Variants in CFAP61 observed in about 807,000 individuals in gnomAD.
CFAP61 encodes cilia- and flagella-associated protein 61.
In CFAP61, 107 loss-of-function variants were observed where a neutral mutation model predicts 135.6. The ratio of observed to expected loss-of-function variants is 0.79; its 90% CI spans 0.67 to 0.93. The LOEUF (loss-of-function observed/expected upper bound fraction) is 0.93, where lower values mean the gene tolerates loss of function less well. Ranked by LOEUF, CFAP61 falls within the 40% of genes least tolerant of loss-of-function variation. The pLI is 0.00. For synonymous variants in CFAP61, 575 were observed against 578.5 expected (o/e 0.99, Z 0.09); for missense variants, 1,507 against 1,556.2 (o/e 0.97, Z 0.53).
chr20:20,264,796 G>A (rs138016440), intron 21 of CFAP61, among the ~76,000 whole-genome samples: 1,899 of 152,276 alleles, frequency 0.012, 42 homozygotes, highest in African/African-American at 0.043. Flanking sequence ...GGAGGCTGAG[G>A]TGGGAGGATC....
intron 1 of CFAP61, among the ~76,000 whole-genome samples, chr20:20,055,772 G>A (rs1212469413): frequency 1.3e-5 from 2 of 152,100 alleles, no homozygotes; most frequent in Non-Finnish European, 2.9e-5. Flanking sequence ...GGTTAGCTTC[G>A]ATAGGAGTCT....
At chr20:20,054,537 C>T (rs891761015) in intron 1 of CFAP61, among the ~76,000 whole-genome samples, 9 of 152,214 alleles carry the variant, frequency 5.9e-5, no homozygotes, top group African/African-American at 1.9e-4. Context: ...AGTCAACTTT[C>T]AGTGTATGTA....
Position 20,359,781 on chromosome 20 carries a change from C to G in CFAP61, c.3514-429C>G, listed in dbSNP as rs1261804718. On this transcript the variant is annotated intron_variant, in intron 26 of 26. Coordinates refer to ENST00000245957, the MANE Select transcript of CFAP61 (RefSeq NM_015585.4). This position sits in a 1 kb window ranked among gnomAD's most constrained non-coding sequence, Gnocchi z 4.0. ...CTGGATGACTCTTGAGGACATTATGCTAAGTGATATAAGCCAGTCACAAAA... is the reference window on the plus strand; with the variant it reads ...CTGGATGACTCTTGAGGACATTATGGTAAGTGATATAAGCCAGTCACAAAA... Among the ~76,000 whole-genome samples the G allele has an allele frequency of 6.6e-6, 1 of 152,136 alleles. No individual in the cohort carries two copies. The highest frequency in any genetic ancestry group is 2.4e-5 in the African/African-American group (1 of 41,422).
intron 6 of CFAP61, among the ~76,000 whole-genome samples, chr20:20,080,294 A>C (rs1394145258): frequency 2.0e-5 from 3 of 152,180 alleles, no homozygotes; most frequent in African/African-American, 7.2e-5. Context: ...TTTTTCACTT[A>C]ACATAGCATC....
At chr20:20,142,076 C>T (rs1339864813) in intron 8 of CFAP61, among the ~76,000 whole-genome samples, 3 of 152,154 alleles carry the variant, frequency 2.0e-5, no homozygotes, top group Non-Finnish European at 4.4e-5. Flanking sequence ...CCAATGATGT[C>T]TTCTCCCAGG....
intron 21 of CFAP61, among the ~76,000 whole-genome samples, chr20:20,273,955 G>A (rs1197299152): frequency 6.6e-6 from 1 of 152,220 alleles, no homozygotes; most frequent in Admixed American, 6.5e-5. Context: ...TCTGATAAAT[G>A]TAAGTAATCA....
At chr20:20,090,818 T>A (rs1434184819) in intron 6 of CFAP61, 26 bp from the exon 7 acceptor site, 1 of 1,612,372 alleles carries the variant, frequency 6.2e-7, no homozygotes, top group Non-Finnish European at 8.5e-7. Context: ...GAACGAACAC[T>A]GAACTTCAGC....
Position 20,353,498 on chromosome 20 carries a change from T to G in CFAP61, c.3514-6712T>G, listed in dbSNP as rs543766416. ...ATTACCTTACTTGTTTATGTTAATC[T>G]TTCTTAAATGTATCATAGCCCACAA... On this transcript the variant is annotated intron_variant, in intron 26 of 26. Coordinates refer to ENST00000245957, the MANE Select transcript of CFAP61 (RefSeq NM_015585.4). Among the ~76,000 whole-genome samples the G allele has an allele frequency of 8.3e-4, 126 of 152,336 alleles. 1 individual carries two copies. Among genetic ancestry groups the G allele is most frequent in the Non-Finnish European group, 2.8e-4 (19 of 68,028 alleles).
rs541623093 is a variant in CFAP61 at position 20,288,187 on chromosome 20, T to A, written c.2797-422T>A. On this transcript the variant is annotated intron_variant, in intron 22 of 26. Transcript: ENST00000245957. ...TCTGAAAACTGAAGACTGGATGAGA[T>A]CAACCCAAGAAGGAACCTGCAGAGA... is the stretch of plus-strand genomic sequence containing the variant. 5.9e-5 allele frequency among the ~76,000 whole-genome samples: 9 copies of A among 152,046 alleles called. No homozygotes were observed. The East Asian group carries it at 1.7e-3, about 29-fold the overall frequency.
At chr20:20,232,280 C>A (rs192831617) in intron 18 of CFAP61, among the ~76,000 whole-genome samples, 9 of 152,232 alleles carry the variant, frequency 5.9e-5, no homozygotes, top group African/African-American at 2.2e-4. Context: ...CCAAGTCTAG[C>A]ATTGCTGAAC....
chr20:20,321,666 A>G (rs1447478880), intron 25 of CFAP61, among the ~76,000 whole-genome samples: 1 of 152,152 alleles, frequency 6.6e-6, no homozygotes, highest in Non-Finnish European at 1.5e-5. Context: ...CACAGCTCCC[A>G]TGTTTACGTT....
In CFAP61 at chr20:20,357,097, G is replaced by A. The variant is rs865902633; in HGVS notation, c.3514-3113G>A. On this transcript the variant is annotated intron_variant, in intron 26 of 26. Coordinates refer to ENST00000245957, the MANE Select transcript of CFAP61 (RefSeq NM_015585.4). ...ACTGAGAGGAGGTGGTCACACTGAGGGGAGGTGGTCATACTGTGAGTGAGG... is the reference window on the plus strand; with the variant it reads ...ACTGAGAGGAGGTGGTCACACTGAGAGGAGGTGGTCATACTGTGAGTGAGG... Among the ~76,000 whole-genome samples, 516 of 106,960 alleles carry A rather than the reference G, an allele frequency of 4.8e-3. 3 individuals carry two copies. The highest frequency in any genetic ancestry group is 0.016 in the African/African-American group (473 of 29,790). 70.2% of individuals were successfully genotyped at this position (106,960 alleles called of 152,430 possible). A position where few individuals can be genotyped will look rare whatever the true frequency, so the allele number is the denominator to read the frequency against.
chr20:20,286,411 G>A (rs2054594218), intron 22 of CFAP61, among the ~76,000 whole-genome samples: 1 of 152,314 alleles, frequency 6.6e-6, no homozygotes, highest in South Asian at 2.1e-4. Context: ...TTTTCACCAA[G>A]ATGTTCTGGA....
Position 20,269,144 on chromosome 20 carries a change from TATACAC to T in CFAP61, c.2503+6016_2503+6021del, listed in dbSNP as rs1290493930. On this transcript the variant is annotated intron_variant, in intron 21 of 26. Transcript: ENST00000245957. ...ATATATATATATATATATATATATA[TATACAC>T]ACACACACACACACATACATATATG... 2.9e-4 allele frequency among the ~76,000 whole-genome samples: 25 copies of T among 85,082 alleles called. 1 individual carries two copies. Among genetic ancestry groups the T allele is most frequent in the East Asian group, 1.0e-3 (4 of 4,018 alleles). 55.8% of individuals were successfully genotyped at this position (85,082 alleles called of 152,430 possible). A position where few individuals can be genotyped will look rare whatever the true frequency, so the allele number is the denominator to read the frequency against.
intron 26 of CFAP61, among the ~76,000 whole-genome samples, chr20:20,357,143 A>G (rs77852668): frequency 1.5e-4 from 12 of 79,304 alleles, no homozygotes; most frequent in African/African-American, 2.9e-4. Flanking sequence ...ACTGAGGGGA[A>G]GTGGTCACAC....
chr20:20,103,883 C>T (rs377563964), intron 8 of CFAP61, among the ~76,000 whole-genome samples: 49 of 152,224 alleles, frequency 3.2e-4, no homozygotes, highest in African/African-American at 1.1e-3. Context: ...CTGGCATTGC[C>T]GCATTTAATA....
intron 26 of CFAP61, among the ~76,000 whole-genome samples, chr20:20,356,436 G>A (rs1160063866): frequency 2.0e-5 from 3 of 151,638 alleles, no homozygotes; most frequent in Admixed American, 1.3e-4. Context: ...CACACTGAGG[G>A]GAGGTGGTCA....
chr20:20,281,185 T>C (rs1426270764), intron 22 of CFAP61, among the ~76,000 whole-genome samples: 1 of 152,192 alleles, frequency 6.6e-6, no homozygotes, highest in East Asian at 1.9e-4. Context: ...AAACATGTCA[T>C]GCAAATAGAG....
chr20:20,087,120 T>C (rs1169579386), intron 6 of CFAP61, among the ~76,000 whole-genome samples: 1 of 152,076 alleles, frequency 6.6e-6, no homozygotes, highest in Non-Finnish European at 1.5e-5. Context: ...CTTGCAAAAG[T>C]GGAGTTTTAA....
Sources: allele counts gnomAD v4.1 joint callset (sites outside exome capture counted in the v4.1 genomes callset), GRCh38; gene constraint gnomAD v4.1.1; non-coding constraint Gnocchi (gnomAD v3.1); transcripts MANE v1.5; gene names NCBI Gene and HGNC (gene_info 2026-07-23, HGNC 2026-07-21).